DTNBP1: variants seen among roughly 807,000 people sequenced by gnomAD.
DTNBP1 encodes the protein dystrobrevin binding protein 1.
DTNBP1 carries 35 observed loss-of-function variants against 42.8 expected under a neutral mutation model. The ratio of observed to expected loss-of-function variants is 0.82; its 90% CI spans 0.63 to 1.09. The LOEUF is 1.09. DTNBP1 is among the 50% of genes least tolerant of loss of function. DTNBP1 has a pLI of 0.00. For synonymous variants in DTNBP1, 171 were observed against 162.2 expected (o/e 1.05, Z -0.41); for missense variants, 457 against 424.2 (o/e 1.08, Z -0.68).
intron 7 of DTNBP1, among the ~76,000 whole-genome samples, chr6:15,566,570 GCATAACCTCA>G (rs1374170127): frequency 6.6e-6 from 1 of 151,996 alleles, no homozygotes; most frequent in Non-Finnish European, 1.5e-5. Flanking sequence ...CCTGACTCTA[GCATAACCTCA>G]CATGACAGAT....
intron 7 of DTNBP1, among the ~76,000 whole-genome samples, chr6:15,561,216 G>A (rs983071312): frequency 5.9e-5 from 9 of 152,128 alleles, no homozygotes; most frequent in Non-Finnish European, 8.8e-5. Context: ...TAAAAATCTG[G>A]ATCAATATTG....
chr6:15,625,303 A>G (rs1759277857), intron 5 of DTNBP1, among the ~76,000 whole-genome samples: 1 of 152,240 alleles, frequency 6.6e-6, no homozygotes, highest in East Asian at 1.9e-4. Flanking sequence ...CTCTCTAAAA[A>G]GAGCTCAATA....
intron 7 of DTNBP1, among the ~76,000 whole-genome samples, chr6:15,566,139 C>T (rs1031834508): frequency 6.6e-6 from 1 of 151,720 alleles, no homozygotes; most frequent in African/African-American, 2.4e-5. Flanking sequence ...ACGGTGAAAC[C>T]CCGTCTCTAC....
chr6:15,536,016 G>C (rs142846623), intron 7 of DTNBP1, among the ~76,000 whole-genome samples: 2 of 152,310 alleles, frequency 1.3e-5, no homozygotes, highest in East Asian at 3.9e-4. Context: ...GGTATCTGGT[G>C]GAAGAAATTT....
intron 3 of DTNBP1, among the ~76,000 whole-genome samples, chr6:15,648,869 G>A (rs761748030): frequency 1.3e-5 from 2 of 151,968 alleles, no homozygotes; most frequent in Non-Finnish European, 2.9e-5. Flanking sequence ...GCAAACAATA[G>A]AAAATACATC....
intron 9 of DTNBP1, chr6:15,523,708 C>T: frequency 7.8e-7 from 1 of 1,287,210 alleles, no homozygotes; most frequent in Non-Finnish European, 1.0e-6. Flanking sequence ...GTCACTGTTT[C>T]TAAATCTTCC....
chr6:15,644,641 A>C (rs181686150), intron 3 of DTNBP1, among the ~76,000 whole-genome samples: 41 of 152,252 alleles, frequency 2.7e-4, no homozygotes, highest in Non-Finnish European at 4.9e-4. Context: ...TAAGAATCAC[A>C]CAAGTATATG....
At chr6:15,607,769 T>C (rs531540033) in intron 6 of DTNBP1, among the ~76,000 whole-genome samples, 2 of 148,516 alleles carry the variant, frequency 1.3e-5, no homozygotes, top group South Asian at 4.2e-4. Context: ...TCAGGGAATG[T>C]TATATGGAAT....
chr6:15,533,162 C>T (rs1330984680), intron 8 of DTNBP1, 78 bp downstream of exon 8: 4 of 1,597,542 alleles, frequency 2.5e-6, no homozygotes, highest in Non-Finnish European at 3.4e-6. Flanking sequence ...GCCCCATGCC[C>T]TGCTCTGGGG....
intron 7 of DTNBP1, among the ~76,000 whole-genome samples, chr6:15,556,801 T>C (rs1257217482): frequency 6.6e-6 from 1 of 152,128 alleles, no homozygotes; most frequent in Non-Finnish European, 1.5e-5. Context: ...CCTTTTTCCT[T>C]TCCTATCTTT....
At chr6:15,625,626 A>T (rs1209644576) in intron 5 of DTNBP1, among the ~76,000 whole-genome samples, 1 of 152,244 alleles carries the variant, frequency 6.6e-6, no homozygotes, top group African/African-American at 2.4e-5. Context: ...GCATTTTCTA[A>T]ACAGAATTGA....
At chr6:15,545,752 C>T (rs1352345015) in intron 7 of DTNBP1, among the ~76,000 whole-genome samples, 1 of 152,166 alleles carries the variant, frequency 6.6e-6, no homozygotes, top group East Asian at 1.9e-4. Context: ...TATTCTGGAA[C>T]AGTTTTCGAA....
intron 5 of DTNBP1, among the ~76,000 whole-genome samples, chr6:15,624,967 A>C (rs1561998376): frequency 6.6e-6 from 1 of 152,236 alleles, no homozygotes. Flanking sequence ...ATTTGGCTTC[A>C]AAGTGTTTGT....
At chr6:15,534,081 C>G (rs541687039) in intron 7 of DTNBP1, among the ~76,000 whole-genome samples, 1 of 152,084 alleles carries the variant, frequency 6.6e-6, no homozygotes, top group Non-Finnish European at 1.5e-5. Flanking sequence ...CAGCCAGTCG[C>G]GAAAAGGCAA....
intron 7 of DTNBP1, among the ~76,000 whole-genome samples, chr6:15,584,452 A>C (rs749635019): frequency 5.3e-5 from 8 of 152,096 alleles, no homozygotes; most frequent in Non-Finnish European, 1.0e-4. Context: ...TTAATAATGA[A>C]TAAGAATGTG....
At chr6:15,579,429 A>G (rs767702151) in intron 7 of DTNBP1, among the ~76,000 whole-genome samples, 19 of 152,250 alleles carry the variant, frequency 1.2e-4, no homozygotes, top group Non-Finnish European at 2.4e-4. Flanking sequence ...ATACAAAATT[A>G]CAGAGAGGAG....
chr6:15,531,096 T>C (rs1051005555), intron 8 of DTNBP1, among the ~76,000 whole-genome samples: 3 of 151,968 alleles, frequency 2.0e-5, no homozygotes, highest in Non-Finnish European at 4.4e-5. Flanking sequence ...CGTGCACACA[T>C]AGGGAGAAGG....
intron 3 of DTNBP1, among the ~76,000 whole-genome samples, chr6:15,644,497 T>C (rs1407513984): frequency 6.6e-6 from 1 of 152,134 alleles, no homozygotes; most frequent in Non-Finnish European, 1.5e-5. Flanking sequence ...CATCTGTGCA[T>C]CGAACAGTCT....
At chr6:15,604,555 C>G (rs1757915032) in intron 6 of DTNBP1, among the ~76,000 whole-genome samples, 1 of 152,224 alleles carries the variant, frequency 6.6e-6, no homozygotes, top group Admixed American at 6.5e-5. Context: ...ACCTCCCCTT[C>G]TCCCCAGCTT....
Sources: allele counts gnomAD v4.1 joint callset (sites outside exome capture counted in the v4.1 genomes callset), GRCh38; gene constraint gnomAD v4.1.1; transcripts MANE v1.5; gene names NCBI Gene and HGNC (gene_info 2026-07-23, HGNC 2026-07-21).